The following SEMA3A variants were observed in gnomAD, a reference collection of about 807,000 sequenced individuals.
SEMA3A encodes the protein semaphorin 3A, also known as semaphorin-3A.
A neutral mutation model predicts 97.9 loss-of-function variants in SEMA3A; 29 were observed. The ratio of observed to expected loss-of-function variants is 0.30; its 90% CI spans 0.22 to 0.40. SEMA3A has a LOEUF of 0.40. SEMA3A is among the 10% of genes least tolerant of loss of function. The probability of loss-of-function intolerance (pLI) is 1.00; values close to 1 mark genes in which losing one functional copy is unlikely to be tolerated. For missense variants in SEMA3A, 763 were observed against 951.3 expected (o/e 0.80, Z 2.60); for synonymous variants, 321 against 323.7 (o/e 0.99, Z 0.09).
chr7:84,479,540 A>G (rs534498084), intron 1 of SEMA3A, among the ~76,000 whole-genome samples: 1 of 152,292 alleles, frequency 6.6e-6, no homozygotes, highest in East Asian at 1.9e-4. Flanking sequence ...AGATATGGAA[A>G]TACATCAGTA....
chr7:84,260,563 C>G (rs1799825482), intron 3 of SEMA3A, among the ~76,000 whole-genome samples: 1 of 152,202 alleles, frequency 6.6e-6, no homozygotes, highest in South Asian at 2.1e-4. Context: ...CCTCTCCCCA[C>G]TCCCGGCACC....
intron 4 of SEMA3A, among the ~76,000 whole-genome samples, chr7:84,095,539 G>T (rs912358010): frequency 6.7e-6 from 1 of 150,136 alleles, no homozygotes. Flanking sequence ...CTTGGCTTAT[G>T]CATTTTATCT....
intron 1 of SEMA3A, among the ~76,000 whole-genome samples, chr7:84,395,055 T>C (rs1030032481): frequency 6.6e-6 from 1 of 152,088 alleles, no homozygotes; most frequent in African/African-American, 2.4e-5. Flanking sequence ...AGATAGGAGA[T>C]TGGTCTATAA....
At chr7:84,005,206 A>T (rs1010214408) in intron 11 of SEMA3A, 133 bp downstream of exon 11, 25 of 659,252 alleles carry the variant, frequency 3.8e-5, no homozygotes, top group Non-Finnish European at 5.1e-5. Context: ...TGGGGAAATC[A>T]AAAGTTAGTT....
At chr7:84,304,343 T>C (rs1221009440) in intron 3 of SEMA3A, among the ~76,000 whole-genome samples, 1 of 152,074 alleles carries the variant, frequency 6.6e-6, no homozygotes, top group Non-Finnish European at 1.5e-5. Context: ...AATAATACAA[T>C]TTTTGAGAAG....
At chr7:83,980,623 A>ACAAAAAAAAATATATATAT (rs1554383377) in intron 14 of SEMA3A, among the ~76,000 whole-genome samples, 1 of 71,762 alleles carries the variant, frequency 1.4e-5, no homozygotes, top group Admixed American at 1.6e-4. Flanking sequence ...AAAAAAAAAA[A>ACAAAAAAAAATATATATAT]ATATATATAT....
At chr7:84,474,703 G>A (rs1405956994) in intron 1 of SEMA3A, among the ~76,000 whole-genome samples, 1 of 152,024 alleles carries the variant, frequency 6.6e-6, no homozygotes, top group Non-Finnish European at 1.5e-5. Context: ...TTAATTAATA[G>A]CCGGTATTCT....
intron 15 of SEMA3A, among the ~76,000 whole-genome samples, chr7:83,965,641 TATATATATATATATATATATA>T (rs1562943406): frequency 2.4e-4 from 2 of 8,238 alleles, no homozygotes; most frequent in African/African-American, 6.3e-4. Flanking sequence ...TATATATATA[TATATATATATATATATATATA>T]TATATTTTTT....
At chr7:84,218,534 A>T (rs1357345789) in intron 3 of SEMA3A, among the ~76,000 whole-genome samples, 1 of 152,198 alleles carries the variant, frequency 6.6e-6, no homozygotes, top group Non-Finnish European at 1.5e-5. Flanking sequence ...AGAAACATCA[A>T]ACTGAATATC....
chr7:84,318,737 T>G (rs1268346775), intron 2 of SEMA3A, among the ~76,000 whole-genome samples: 2 of 152,210 alleles, frequency 1.3e-5, no homozygotes, highest in African/African-American at 4.8e-5. Flanking sequence ...ACAGCCACTC[T>G]TATCTTGTGA....
At chr7:84,249,232 C>A (rs893692045) in intron 3 of SEMA3A, among the ~76,000 whole-genome samples, 3 of 152,164 alleles carry the variant, frequency 2.0e-5, no homozygotes, top group Admixed American at 6.5e-5. Context: ...TGTATTTACC[C>A]ACACTGAAAC....
chr7:84,232,757 G>A (rs1020760830), intron 3 of SEMA3A, among the ~76,000 whole-genome samples: 2 of 151,832 alleles, frequency 1.3e-5, no homozygotes, highest in African/African-American at 4.8e-5. Context: ...ATGCCTCCAA[G>A]TTCTCTTCAA....
At position 84,052,088 on chromosome 7, in the gene SEMA3A, T is replaced by A. The variant is rs1490967837; in HGVS notation, c.548-5645A>T. 2.0e-5 allele frequency among the ~76,000 whole-genome samples: 3 copies of A among 152,192 alleles called. No individual in the cohort carries two copies. In the East Asian group the frequency reaches 5.8e-4, roughly 29 times the overall value. Reference sequence around the variant, plus strand: ...ACTTGATCATGGCGGATAAGCTTTTTGATGTGCTACTGGATTCGGTTTGCC... The same window carrying A: ...ACTTGATCATGGCGGATAAGCTTTTAGATGTGCTACTGGATTCGGTTTGCC... On this transcript the variant is annotated intron_variant, in intron 5 of 16. Transcript: ENST00000265362.
rs1196997152 is a variant in SEMA3A at position 83,957,950 on chromosome 7, C to A, written c.*3421G>T. 6.6e-6 allele frequency: 1 copy of A among 151,856 alleles called. No individual in the cohort carries two copies. The highest frequency in any genetic ancestry group is 2.4e-5 in the African/African-American group (1 of 41,380). 9.4% of individuals were successfully genotyped at this position (151,856 alleles called of 1,614,324 possible). On this transcript the variant is annotated 3_prime_UTR_variant, in exon 17 of 17. Coordinates refer to ENST00000265362, the MANE Select transcript of SEMA3A (RefSeq NM_006080.3). ...AATGGAAATTGTGTTTTAAAATGAG[C>A]TAATAAAACAAAGATTTTAACATAT...
At chr7:84,274,345 G>A (rs1162837454) in intron 3 of SEMA3A, among the ~76,000 whole-genome samples, 1 of 152,026 alleles carries the variant, frequency 6.6e-6, no homozygotes, top group Non-Finnish European at 1.5e-5. Context: ...AAAGGCCCCT[G>A]AAATTCCTAA....
intron 4 of SEMA3A, among the ~76,000 whole-genome samples, chr7:84,099,608 G>C (rs896402060): frequency 6.6e-6 from 1 of 152,040 alleles, no homozygotes; most frequent in African/African-American, 2.4e-5. Context: ...ACCACAATAT[G>C]CTATAAAACA....
At chr7:84,424,628 T>TAA (rs1804719210) in intron 1 of SEMA3A, among the ~76,000 whole-genome samples, 9 of 45,562 alleles carry the variant, frequency 2.0e-4, no homozygotes, top group East Asian at 5.7e-4. Context: ...ATATATAATA[T>TAA]ATATACAATA....
In SEMA3A at chr7:84,134,898, T is replaced by C; in HGVS notation, c.166A>G (p.Ser56Gly). The change falls in exon 2 of 17, where the codon AGT (serine) becomes GGT (glycine). Residue 56 changes from serine to glycine, a missense_variant. By Grantham distance (56) the Ser-to-Gly change is moderately conservative. Transcript: ENST00000265362. ...TCATCCAAAAGGAAGGTATGATAAC[T>C]GGAGCTGTTGGCCAAGCCATTGAAA... ...ITFNGLANSS[S>G]YHTFLLDEER... The C allele has an allele frequency of 6.2e-7, 1 of 1,613,928 alleles. No individual in the cohort carries two copies. The highest frequency in any genetic ancestry group is 1.1e-5 in the South Asian group (1 of 91,052).
Position 84,233,950 on chromosome 7 carries a change from T to C in SEMA3A, c.-82-39282A>G, listed in dbSNP as rs572616987. ...TAAATGTACAATATTTTGACTACCA[T>C]GTGAATCTAACCGATGCTCTATACT... is the stretch of plus-strand genomic sequence containing the variant. On this transcript the variant is annotated intron_variant, in intron 3 of 3. Coordinates refer to the SEMA3A transcript ENST00000424555. 9.2e-5 allele frequency among the ~76,000 whole-genome samples: 14 copies of C among 151,994 alleles called. No individual in the cohort carries two copies. The East Asian group carries it at 2.5e-3, about 27-fold the overall frequency.
Sources: gnomAD v4.1 joint callset for allele counts (sites outside exome capture counted in the v4.1 genomes callset) on GRCh38, gnomAD v4.1.1 for gene constraint, MANE v1.5 for transcripts, NCBI Gene and HGNC (gene_info 2026-07-23, HGNC 2026-07-21) for gene names.